Variants in MGAT4C observed in about 807,000 individuals in gnomAD.
The protein encoded by MGAT4C is alpha-1,3-mannosyl-glycoprotein 4-beta-N-acetylglucosaminyltransferase C.
Under a neutral mutation model 40.1 loss-of-function variants are expected in MGAT4C, and 19 were observed. The ratio of observed to expected loss-of-function variants is 0.47; its 90% CI spans 0.33 to 0.70. The LOEUF (loss-of-function observed/expected upper bound fraction) is 0.70, where lower values mean the gene tolerates loss of function less well. Among genes scored for constraint, MGAT4C ranks in the 30% least tolerant of loss-of-function variants. The probability of loss-of-function intolerance (pLI) is 0.02; values close to 1 mark genes in which losing one functional copy is unlikely to be tolerated. For synonymous variants in MGAT4C, 181 were observed against 187.1 expected (o/e 0.97, Z 0.27); for missense variants, 491 against 563.2 (o/e 0.87, Z 1.30).
intron 3 of MGAT4C, among the ~76,000 whole-genome samples, chr12:86,399,639 T>C (rs1359271467): frequency 6.6e-6 from 1 of 151,936 alleles, no homozygotes; most frequent in African/African-American, 2.4e-5. Flanking sequence ...TCCAATGAAG[T>C]CTCCATGAAA....
chr12:86,173,489 A>G (rs1402614765), intron 1 of MGAT4C, among the ~76,000 whole-genome samples: 1 of 152,136 alleles, frequency 6.6e-6, no homozygotes, highest in Admixed American at 6.5e-5. Flanking sequence ...TATTTTAAAA[A>G]TGATATGCAA....
At chr12:86,186,890 TAAG>T (rs1888819610) in intron 1 of MGAT4C, among the ~76,000 whole-genome samples, 1 of 152,060 alleles carries the variant, frequency 6.6e-6, no homozygotes, top group Non-Finnish European at 1.5e-5. Flanking sequence ...TTCATGTGAA[TAAG>T]AAGACAAAAG....
At chr12:86,114,155 G>T (rs1014443856) in intron 1 of MGAT4C, among the ~76,000 whole-genome samples, 3 of 151,792 alleles carry the variant, frequency 2.0e-5, no homozygotes, top group Admixed American at 6.6e-5. Context: ...CCTGATGATT[G>T]ATTTTTGTGT....
At chr12:86,285,566 T>A (rs1396142760) in intron 4 of MGAT4C, among the ~76,000 whole-genome samples, 1 of 151,924 alleles carries the variant, frequency 6.6e-6, no homozygotes, top group Non-Finnish European at 1.5e-5. Flanking sequence ...CAATAATTAC[T>A]GAAATAGAAA....
chr12:86,695,751 G>A (rs892061056), intron 2 of MGAT4C, among the ~76,000 whole-genome samples: 5 of 152,040 alleles, frequency 3.3e-5, no homozygotes, highest in African/African-American at 1.2e-4. Flanking sequence ...ACAGAGAGTA[G>A]AATGATGGTT....
chr12:86,139,927 TAA>T (rs1210394175), intron 1 of MGAT4C, among the ~76,000 whole-genome samples: 4 of 152,190 alleles, frequency 2.6e-5, no homozygotes, highest in South Asian at 2.1e-4. Context: ...CAAATCTGAT[TAA>T]GTCACCCAAA....
chr12:86,589,307 A>C (rs962435682), intron 2 of MGAT4C, among the ~76,000 whole-genome samples: 62 of 152,058 alleles, frequency 4.1e-4, no homozygotes, highest in Non-Finnish European at 7.4e-4. Context: ...ATCTAGAAGA[A>C]ATGGATAAAT....
intron 2 of MGAT4C, among the ~76,000 whole-genome samples, chr12:86,585,116 G>A (rs1012658289): frequency 6.0e-5 from 9 of 151,244 alleles, no homozygotes; most frequent in African/African-American, 2.2e-4. Flanking sequence ...TTAATTTAAT[G>A]TAATTTGTAC....
intron 1 of MGAT4C, among the ~76,000 whole-genome samples, chr12:86,161,368 C>A (rs774063498): frequency 6.6e-6 from 1 of 152,052 alleles, no homozygotes; most frequent in South Asian, 2.1e-4. Flanking sequence ...ACACCTACAA[C>A]CATTCTTTGA....
chr12:86,098,026 G>GT (rs746717642), intron 1 of MGAT4C, among the ~76,000 whole-genome samples: 12 of 151,600 alleles, frequency 7.9e-5, no homozygotes, highest in African/African-American at 2.7e-4. Context: ...TTTAGTATCA[G>GT]TTAATAGAGT....
chr12:86,214,424 G>A (rs1285495712), intron 1 of MGAT4C, among the ~76,000 whole-genome samples: 2 of 152,278 alleles, frequency 1.3e-5, no homozygotes, highest in Non-Finnish European at 1.5e-5. Flanking sequence ...GGTTTTATGA[G>A]AATAGAGATT....
intron 2 of MGAT4C, among the ~76,000 whole-genome samples, chr12:86,687,940 G>T (rs753106372): frequency 6.6e-6 from 1 of 152,106 alleles, no homozygotes; most frequent in Non-Finnish European, 1.5e-5. Context: ...GGATGTTAAA[G>T]TCTCCCACTA....
At chr12:86,040,695 G>A (rs1162011892) in intron 2 of MGAT4C, among the ~76,000 whole-genome samples, 1 of 151,642 alleles carries the variant, frequency 6.6e-6, no homozygotes, top group Non-Finnish European at 1.5e-5. Flanking sequence ...CTAGCATTCT[G>A]GGCACCACTG....
At chr12:86,834,428 A>T (rs1005926760) in intron 1 of MGAT4C, among the ~76,000 whole-genome samples, 3 of 151,890 alleles carry the variant, frequency 2.0e-5, no homozygotes, top group Non-Finnish European at 4.4e-5. Context: ...AATCAAAGTA[A>T]ATAACAGCAA....
chr12:86,345,389 A>G (rs1383813461), intron 3 of MGAT4C, among the ~76,000 whole-genome samples: 1 of 151,970 alleles, frequency 6.6e-6, no homozygotes, highest in African/African-American at 2.4e-5. Context: ...CTCGTCATTT[A>G]GCATTAGGTA....
chr12:86,253,730 C>T (rs1332528719), intron 1 of MGAT4C, among the ~76,000 whole-genome samples: 1 of 151,812 alleles, frequency 6.6e-6, no homozygotes, highest in Non-Finnish European at 1.5e-5. Flanking sequence ...CTGGAATGCC[C>T]AGAATTTCCC....
chr12:86,813,226 T>C (rs996313291), intron 1 of MGAT4C, among the ~76,000 whole-genome samples: 1 of 152,048 alleles, frequency 6.6e-6, no homozygotes, highest in South Asian at 2.1e-4. Context: ...TTTGGACATC[T>C]TGAAAATAGT....
chr12:86,814,275 TATATATATACATATATATACATATAC>T (rs1566008880), intron 1 of MGAT4C, among the ~76,000 whole-genome samples: 1 of 106,620 alleles, frequency 9.4e-6, no homozygotes, highest in African/African-American at 3.7e-5. Context: ...TACATATACG[TATATATATACATATATATACATATAC>T]GTATATATAT....
rs1307061189 is a variant in MGAT4C, at chr12:85,962,668, C to T, written c.*16621G>A. 1 of 150,794 alleles carries T rather than the reference C, an allele frequency of 6.6e-6. No individual in the cohort carries two copies. Among genetic ancestry groups the T allele is most frequent in the African/African-American group, 2.4e-5 (1 of 41,266 alleles). The allele number at this position is 150,794 out of a possible 1,614,324, so 9.3% of individuals were successfully genotyped here. A position where few individuals can be genotyped will look rare whatever the true frequency, so the allele number is the denominator to read the frequency against. ...TCAACTTGTAATGAACTGTAAACTT[C>T]ACCCATAACATTATTAATATATCAG... On this transcript the variant is annotated 3_prime_UTR_variant, in exon 5 of 5. Coordinates refer to ENST00000611864, the MANE Select transcript of MGAT4C (RefSeq NM_001351288.2).
Sources: gnomAD v4.1 joint callset for allele counts (sites outside exome capture counted in the v4.1 genomes callset) on GRCh38, gnomAD v4.1.1 for gene constraint, MANE v1.5 for transcripts, NCBI Gene and HGNC (gene_info 2026-07-23, HGNC 2026-07-21) for gene names.